Variants in PLA2G4D observed in about 807,000 individuals in gnomAD.
The protein encoded by PLA2G4D is cytosolic phospholipase A2 delta.
A neutral mutation model predicts 94.4 loss-of-function variants in PLA2G4D; 80 were observed. That is an observed-to-expected ratio of 0.85 (90% CI 0.71 to 1.02). The LOEUF is 1.02. Among genes scored for constraint, PLA2G4D ranks in the 50% least tolerant of loss-of-function variants. The pLI is 0.00. For synonymous variants in PLA2G4D, 438 were observed against 440.9 expected, an observed-to-expected ratio of 0.99 and a Z score of 0.08; for missense variants, 1,050 against 1,034.7, an observed-to-expected ratio of 1.01 and a Z score of -0.20.
At position 42,086,194 on chromosome 15, in the gene PLA2G4D, T is replaced by TTGGGGGGGGGGCC; in HGVS notation, c.387+18_387+19insGGCCCCCCCCCCA. On this transcript the variant is annotated intron_variant, in intron 4 of 19. Coordinates refer to ENST00000290472, the MANE Select transcript of PLA2G4D (RefSeq NM_178034.4). ...GGAAGAAGTGGGGCCCACGGGGACT[T>TTGGGGGGGGGGCC]CCCCACCCACCCACCCACCTGGGGA... 4.7e-5 allele frequency: 65 copies of TTGGGGGGGGGGCC among 1,370,386 alleles called. No homozygotes were observed. The highest frequency in any genetic ancestry group is 5.8e-5 in the Non-Finnish European group (61 of 1,043,032). 84.9% of individuals were successfully genotyped at this position (1,370,386 alleles called of 1,614,324 possible).
intron 18 of PLA2G4D, chr15:42,070,407 C>T (rs1359652557): frequency 9.7e-6 from 5 of 512,952 alleles, no homozygotes; most frequent in Non-Finnish European, 1.7e-5. Flanking sequence ...CACATTGGCA[C>T]AGCGTCTCAG....
At chr15:42,079,232 T>C (rs541697095) in intron 13 of PLA2G4D, among the ~76,000 whole-genome samples, 1 of 152,374 alleles carries the variant, frequency 6.6e-6, no homozygotes, top group South Asian at 2.1e-4. Context: ...GTAAATTTCA[T>C]ATTGCAGGAT....
intron 13 of PLA2G4D, among the ~76,000 whole-genome samples, chr15:42,072,689 G>A (rs1027269743): frequency 6.6e-6 from 1 of 152,180 alleles, no homozygotes; most frequent in Non-Finnish European, 1.5e-5. Flanking sequence ...TGGATTTAAG[G>A]GTGAAGTGGG....
intron 4 of PLA2G4D, 149 bp from the exon 5 acceptor site, chr15:42,085,680 C>A (rs1050129187): frequency 2.6e-6 from 2 of 779,080 alleles, no homozygotes; most frequent in Non-Finnish European, 4.3e-6. Flanking sequence ...GATGAGGAAA[C>A]TGAGGTATGG....
intron 1 of PLA2G4D, 100 bp from the exon 2 acceptor site, chr15:42,087,800 C>CTT: frequency 1.6e-6 from 2 of 1,245,682 alleles, no homozygotes; most frequent in Non-Finnish European, 2.3e-6. Context: ...TCTCCTGGTA[C>CTT]TTGGTGGTGC....
Position 42,084,153 on chromosome 15 carries a change from C to T in PLA2G4D, c.472-374G>A. ...CAAATAATCTAAGCAAGCCGCCCATCCATAGGAGGGTAGACGGGGCGTCGG... is the reference window on the plus strand; with the variant it reads ...CAAATAATCTAAGCAAGCCGCCCATTCATAGGAGGGTAGACGGGGCGTCGG... On this transcript the variant is annotated intron_variant, in intron 6 of 19. Coordinates refer to ENST00000290472, the MANE Select transcript of PLA2G4D (RefSeq NM_178034.4). This position sits in a 1 kb window ranked among gnomAD's most constrained non-coding sequence, Gnocchi z 4.8. 1 of 227,392 alleles carries T rather than the reference C, an allele frequency of 4.4e-6. No individual in the cohort carries two copies. Among genetic ancestry groups the T allele is most frequent in the Non-Finnish European group, 8.8e-6 (1 of 113,352 alleles). 14.1% of individuals were successfully genotyped at this position (227,392 alleles called of 1,614,324 possible).
At chr15:42,076,999 T>A (rs531745841) in intron 13 of PLA2G4D, among the ~76,000 whole-genome samples, 1 of 152,262 alleles carries the variant, frequency 6.6e-6, no homozygotes, top group Admixed American at 6.5e-5. Context: ...ACAGATAAAT[T>A]CCTGGACACA....
chr15:42,087,047 GTC>G (rs1890163237), intron 3 of PLA2G4D, among the ~76,000 whole-genome samples: 1 of 152,124 alleles, frequency 6.6e-6, no homozygotes, highest in East Asian at 1.9e-4. Flanking sequence ...GGCTCTTACT[GTC>G]TCTGTTTCAT....
In PLA2G4D at chr15:42,072,330, G is replaced by A. The variant is rs1366201919; in HGVS notation, c.1380C>T (p.Pro460=). 2.5e-6 allele frequency: 4 copies of A among 1,613,690 alleles called. No individual in the cohort carries two copies. In the African/African-American group the frequency reaches 4.0e-5, roughly 16 times the overall value. The change falls in exon 14 of 20, where the codon CCC becomes CCT. Residue 460 remains proline (P), a synonymous_variant. Coordinates refer to ENST00000290472, the MANE Select transcript of PLA2G4D (RefSeq NM_178034.4). The stretch of plus-strand genomic sequence containing the variant: ...CTTTGACATTGAGGCTCAAGTAGAG[G>A]GGCAGAGGGTTCTGACCCCGTTCCA... ...AALERGQNPL[P]LYLSLNVKEN...
intron 13 of PLA2G4D, among the ~76,000 whole-genome samples, chr15:42,074,142 G>A (rs1334064221): frequency 6.6e-6 from 1 of 152,014 alleles, no homozygotes; most frequent in Admixed American, 6.6e-5. Context: ...TTTTACTATA[G>A]TTGCACAATT....
rs769043261 is a variant in PLA2G4D, at chr15:42,081,579, A to T, written c.857T>A (p.Leu286His). 12 of 1,614,156 alleles carry T rather than the reference A, an allele frequency of 7.4e-6. No homozygotes were observed. The highest frequency in any genetic ancestry group is 1.0e-5 in the Non-Finnish European group (12 of 1,180,016). ...EELAVHLGFN[L>H]CAEEQAFLSR... The stretch of plus-strand genomic sequence containing the variant: ...CAGGAAGGCCTGCTCCTCTGCACAG[A>T]GATTGAAGCCCAGGTGCACGGCCAG... The change falls in exon 11 of 20, where the codon CTC becomes CAC. Residue 286 changes from leucine to histidine, a missense_variant. By Grantham distance (99) the Leu-to-His change is moderately conservative. Coordinates refer to ENST00000290472, the MANE Select transcript of PLA2G4D (RefSeq NM_178034.4).
At chr15:42,073,868 T>C (rs1374659057) in intron 13 of PLA2G4D, among the ~76,000 whole-genome samples, 2 of 152,206 alleles carry the variant, frequency 1.3e-5, no homozygotes, top group African/African-American at 4.8e-5. Context: ...TCCTCCTTGC[T>C]GGCAGCTCTT....
At chr15:42,075,653 G>A (rs868226032) in intron 13 of PLA2G4D, among the ~76,000 whole-genome samples, 5 of 152,114 alleles carry the variant, frequency 3.3e-5, no homozygotes, top group Non-Finnish European at 7.3e-5. Flanking sequence ...TTGGGAGGCT[G>A]AGGCAGGCAG....
At chr15:42,090,381 C>T (rs553990395) in intron 1 of PLA2G4D, among the ~76,000 whole-genome samples, 17 of 152,288 alleles carry the variant, frequency 1.1e-4, no homozygotes, top group Admixed American at 7.8e-4. Flanking sequence ...TGTCAGACCC[C>T]GACAAATTAG....
rs1373575186 is a variant in PLA2G4D, at chr15:42,081,600, G to A, written c.836C>T (p.Ala279Val). Residue 279 changes from alanine (A) to valine (V), a missense_variant, in exon 11 of 20, where the codon GCC becomes GTC. By Grantham distance (64) the Ala-to-Val change is moderately conservative. Coordinates refer to ENST00000290472, the MANE Select transcript of PLA2G4D (RefSeq NM_178034.4). ...ACAGAGATTGAAGCCCAGGTGCACG[G>A]CCAGCTCCTCAGGGCTGTGGCAATG... ...LKAEGCPEEL[A>V]VHLGFNLCAE... The A allele has an allele frequency of 6.2e-7, 1 of 1,614,112 alleles. No homozygotes were observed. Among genetic ancestry groups the A allele is most frequent in the Admixed American group, 1.7e-5 (1 of 60,034 alleles).
Position 42,071,175 on chromosome 15 carries a change from G to A in PLA2G4D, c.1824C>T (p.Gly608=), listed in dbSNP as rs771282031. The change falls in exon 17 of 20, where the codon GGC becomes GGT. Residue 608 remains glycine (G), a synonymous_variant. Coordinates refer to ENST00000290472, the MANE Select transcript of PLA2G4D (RefSeq NM_178034.4). ...TACAGTAGTCCTGGTGCAGCTGGAG[G>A]CCCTGGAGGAAGTTGGGGCTGCGCT... ...LHQRSPNFLQ[G]LQLHQDYCSH... 1 of 1,613,628 alleles carries A rather than the reference G, an allele frequency of 6.2e-7. No individual in the cohort carries two copies. The highest frequency in any genetic ancestry group is 2.2e-5 in the East Asian group (1 of 44,868).
intron 1 of PLA2G4D, among the ~76,000 whole-genome samples, chr15:42,091,187 A>T (rs1206413064): frequency 6.6e-6 from 1 of 152,234 alleles, no homozygotes; most frequent in Non-Finnish European, 1.5e-5. Flanking sequence ...GAGGCAAGAG[A>T]CCGAGGATAC....
intron 1 of PLA2G4D, among the ~76,000 whole-genome samples, chr15:42,088,522 A>G (rs559091795): frequency 8.5e-5 from 13 of 152,332 alleles, no homozygotes; most frequent in African/African-American, 3.1e-4. Flanking sequence ...TGCCACGATC[A>G]GGAGGGCCCT....
chr15:42,087,528 CCG>C, intron 2 of PLA2G4D, 92 bp from the exon 3 acceptor site: 1 of 1,604,682 alleles, frequency 6.2e-7, no homozygotes. Context: ...CTGGCGGTCA[CCG>C]CAGGTGACCC....
Sources: allele counts gnomAD v4.1 joint callset (sites outside exome capture counted in the v4.1 genomes callset), GRCh38; gene constraint gnomAD v4.1.1; non-coding constraint Gnocchi (gnomAD v3.1); transcripts MANE v1.5; gene names NCBI Gene and HGNC (gene_info 2026-07-23, HGNC 2026-07-21).